NUFIP1: variants seen among roughly 807,000 people sequenced by gnomAD.
NUFIP1 encodes the protein FMR1-interacting protein NUFIP1.
A neutral mutation model predicts 56.2 loss-of-function variants in NUFIP1; 38 were observed. The observed-to-expected ratio is 0.68, with a 90% confidence interval of 0.52 to 0.89. The LOEUF (loss-of-function observed/expected upper bound fraction) is 0.89. Among genes scored for constraint, NUFIP1 ranks in the 40% least tolerant of loss-of-function variants. NUFIP1 has a pLI of 0.00. For missense variants in NUFIP1, 567 were observed against 605.8 expected (o/e 0.94, Z 0.67); for synonymous variants, 215 against 212.4 (o/e 1.01, Z -0.10).
Position 44,979,231 on chromosome 13 carries a change from G to T in NUFIP1, c.693C>A (p.Asp231Glu). The change falls in exon 5 of 10, where the codon GAC becomes GAA. Residue 231 changes from aspartate to glutamate, a missense_variant. Coordinates refer to ENST00000379161, the MANE Select transcript of NUFIP1 (RefSeq NM_012345.3). The stretch of plus-strand genomic sequence containing the variant: ...TCCACCGTGCAATTTCCTCTGGAGT[G>T]TCTAACTTGATCTTCTTCATGCCAG... ...HAPGMKKIKL[D>E]TPEEIARWRE... The T allele has an allele frequency of 6.2e-7, 1 of 1,613,456 alleles. No homozygotes were observed. The highest frequency in any genetic ancestry group is 1.1e-5 in the South Asian group (1 of 90,972).
chr13:44,942,712 T>G (rs1047576517), intron 9 of NUFIP1, among the ~76,000 whole-genome samples: 1 of 152,176 alleles, frequency 6.6e-6, no homozygotes, highest in Non-Finnish European at 1.5e-5. Flanking sequence ...CATTGCTTCC[T>G]CTTTATAATT....
chr13:44,943,974 GA>G (rs1246037154), intron 8 of NUFIP1, among the ~76,000 whole-genome samples: 2 of 152,072 alleles, frequency 1.3e-5, no homozygotes, highest in Non-Finnish European at 2.9e-5. Context: ...ATAAGTGCTG[GA>G]AAAAGTAAAT....
intron 1 of NUFIP1, among the ~76,000 whole-genome samples, chr13:44,986,787 T>C (rs1230724532): frequency 6.6e-6 from 1 of 151,836 alleles, no homozygotes; most frequent in Non-Finnish European, 1.5e-5. Flanking sequence ...TTCTTATGGA[T>C]GAGGAAAGAA....
intron 5 of NUFIP1, among the ~76,000 whole-genome samples, chr13:44,970,296 C>T (rs531492038): frequency 8.5e-5 from 13 of 152,156 alleles, no homozygotes; most frequent in Admixed American, 8.5e-4. Flanking sequence ...CACTCGGTAC[C>T]CCTGAGTCTG....
chr13:44,976,844 T>C (rs141388471), intron 5 of NUFIP1, among the ~76,000 whole-genome samples: 24 of 152,226 alleles, frequency 1.6e-4, no homozygotes, highest in South Asian at 4.2e-4. Context: ...GGCAAATTGA[T>C]CTTTATAATT....
intron 5 of NUFIP1, among the ~76,000 whole-genome samples, chr13:44,969,386 C>T (rs768990430): frequency 2.0e-5 from 3 of 151,954 alleles, no homozygotes; most frequent in African/African-American, 2.4e-5. Context: ...TCCTAAAGTA[C>T]AAGAAATAAC....
At chr13:44,943,707 A>T (rs1313063735) in intron 8 of NUFIP1, 33 bp from the exon 9 acceptor site, 29 of 1,489,188 alleles carry the variant, frequency 1.9e-5, no homozygotes, top group Non-Finnish European at 2.7e-5. Flanking sequence ...ACAAAAATAA[A>T]CAAAACAAAA....
intron 1 of NUFIP1, 131 bp downstream of exon 1, chr13:44,988,894 T>C (rs1397051361): frequency 1.1e-6 from 1 of 882,340 alleles, no homozygotes; most frequent in Non-Finnish European, 1.7e-6. Context: ...CTCACTTTGC[T>C]TTGAGATGCT....
chr13:44,954,230 T>C (rs1871158646), intron 7 of NUFIP1, among the ~76,000 whole-genome samples: 1 of 152,190 alleles, frequency 6.6e-6, no homozygotes, highest in African/African-American at 2.4e-5. Context: ...AACCAGACTT[T>C]AGCATTTTTA....
At chr13:44,973,640 C>T (rs1420300582) in intron 5 of NUFIP1, among the ~76,000 whole-genome samples, 1 of 152,088 alleles carries the variant, frequency 6.6e-6, no homozygotes, top group Non-Finnish European at 1.5e-5. Context: ...AGAAGTTCAC[C>T]AACAGGGTCA....
chr13:44,965,046 A>G (rs1871550518), intron 6 of NUFIP1, among the ~76,000 whole-genome samples: 6 of 152,132 alleles, frequency 3.9e-5, no homozygotes, highest in Admixed American at 3.9e-4. Context: ...CTCATCTTGA[A>G]TTGTAACTCC....
At chr13:44,965,590 AG>A (rs2137909432) in intron 6 of NUFIP1, among the ~76,000 whole-genome samples, 1 of 152,266 alleles carries the variant, frequency 6.6e-6, no homozygotes, top group East Asian at 1.9e-4. Context: ...GCTACTCGGG[AG>A]GTTGAGGCAG....
intron 9 of NUFIP1, among the ~76,000 whole-genome samples, chr13:44,941,599 C>T (rs1177396613): frequency 1.3e-5 from 2 of 152,178 alleles, no homozygotes; most frequent in South Asian, 2.1e-4. Flanking sequence ...CTGCAAGCTC[C>T]GCCTCCCGGG....
intron 1 of NUFIP1, among the ~76,000 whole-genome samples, chr13:44,987,389 A>T (rs9534016): frequency 0.68 from 103,029 of 151,894 alleles, 37,687 homozygotes; most frequent in Middle Eastern, 0.82. Context: ...ATTAAAAAAA[A>T]AAATAAATAA....
intron 5 of NUFIP1, among the ~76,000 whole-genome samples, chr13:44,967,270 G>A (rs1008173844): frequency 3.3e-5 from 5 of 152,040 alleles, no homozygotes; most frequent in African/African-American, 9.7e-5. Flanking sequence ...GGTGGCTCAC[G>A]TCTGTAATCC....
At chr13:44,975,169 T>A (rs1871928281) in intron 5 of NUFIP1, among the ~76,000 whole-genome samples, 1 of 152,150 alleles carries the variant, frequency 6.6e-6, no homozygotes, top group Non-Finnish European at 1.5e-5. Flanking sequence ...TTGGAAGGGC[T>A]CAAGGTTCAA....
At chr13:44,977,831 T>A (rs1158765628) in intron 5 of NUFIP1, among the ~76,000 whole-genome samples, 1 of 152,154 alleles carries the variant, frequency 6.6e-6, no homozygotes, top group Non-Finnish European at 1.5e-5. Flanking sequence ...GGTAGATCAC[T>A]TGAGGTCAGA....
At chr13:44,971,788 G>T (rs1007074284) in intron 5 of NUFIP1, among the ~76,000 whole-genome samples, 4 of 152,164 alleles carry the variant, frequency 2.6e-5, no homozygotes, top group African/African-American at 9.7e-5. Flanking sequence ...CTATTCTGTG[G>T]CTTAATATTT....
At chr13:44,959,084 A>G (rs1240248855) in intron 7 of NUFIP1, among the ~76,000 whole-genome samples, 1 of 152,202 alleles carries the variant, frequency 6.6e-6, no homozygotes, top group Non-Finnish European at 1.5e-5. Context: ...CACAGCATTA[A>G]TACATTCAAA....
Sources: gnomAD v4.1 joint callset for allele counts (sites outside exome capture counted in the v4.1 genomes callset) on GRCh38, gnomAD v4.1.1 for gene constraint, MANE v1.5 for transcripts, NCBI Gene and HGNC (gene_info 2026-07-23, HGNC 2026-07-21) for gene names.